SRGAP2: variants seen among roughly 807,000 people sequenced by gnomAD.
SRGAP2 encodes SLIT-ROBO Rho GTPase activating protein 2.
In SRGAP2, 15 loss-of-function variants were observed where a neutral mutation model predicts 57.2. The ratio of observed to expected loss-of-function variants is 0.26; its 90% CI spans 0.18 to 0.40. SRGAP2 has a LOEUF of 0.40. SRGAP2 is among the 10% of genes least tolerant of loss of function. The pLI is 1.00. For missense variants in SRGAP2, 520 were observed against 669.6 expected (o/e 0.78, Z 2.47); for synonymous variants, 249 against 248.0 (o/e 1.00, Z -0.04).
chr1:206,417,624 G>A (rs968004290), intron 11 of SRGAP2, among the ~76,000 whole-genome samples: 19 of 141,692 alleles, frequency 1.3e-4, no homozygotes, highest in African/African-American at 4.5e-4. Context: ...TTCACCATCT[G>A]GGCCAGGCTG....
chr1:206,245,340 T>C (rs1182174348), intron 2 of SRGAP2, among the ~76,000 whole-genome samples: 2 of 151,746 alleles, frequency 1.3e-5, no homozygotes, highest in Non-Finnish European at 2.9e-5. Context: ...TCACACTTAC[T>C]TGTACTGGCT....
At chr1:206,444,300 A>T (rs1662564724) in intron 17 of SRGAP2, among the ~76,000 whole-genome samples, 1 of 152,214 alleles carries the variant, frequency 6.6e-6, no homozygotes. Context: ...ACCTAGAATC[A>T]TGAGACCACA....
chr1:206,259,888 G>C (rs1175806892), intron 2 of SRGAP2, among the ~76,000 whole-genome samples: 24 of 90,810 alleles, frequency 2.6e-4, no homozygotes, highest in African/African-American at 1.0e-3. Flanking sequence ...TTTTGTCTGG[G>C]GAAGGGGAAC....
chr1:206,249,292 C>G (rs1238156178), intron 2 of SRGAP2, among the ~76,000 whole-genome samples: 2 of 151,714 alleles, frequency 1.3e-5, no homozygotes, highest in African/African-American at 4.8e-5. Context: ...CACATGCATA[C>G]ATATGTTTAT....
At chr1:206,290,215 G>A (rs1249704936) in intron 2 of SRGAP2, among the ~76,000 whole-genome samples, 5 of 152,230 alleles carry the variant, frequency 3.3e-5, no homozygotes, top group Non-Finnish European at 4.4e-5. Flanking sequence ...AGTTGTGTGC[G>A]TATGTGTGTG....
chr1:206,268,318 G>A (rs1418784104), intron 2 of SRGAP2, among the ~76,000 whole-genome samples: 1 of 123,140 alleles, frequency 8.1e-6, no homozygotes, highest in Non-Finnish European at 1.6e-5. Flanking sequence ...TCCCACCTAT[G>A]AATGAGAACA....
intron 4 of SRGAP2, among the ~76,000 whole-genome samples, chr1:206,376,831 A>G (rs1553344986): frequency 6.7e-6 from 1 of 150,188 alleles, no homozygotes; most frequent in Non-Finnish European, 1.5e-5. Context: ...TCATTGGTGA[A>G]CCATAACCAA....
Position 206,454,297 on chromosome 1 carries a change from CAA to C in SRGAP2, c.2361-580_2361-579del. ...TAGCATTATGACTTCACCACAGGAT[CAA>C]GAGAAGATGAATTGTGGGGGAGAAG... is the stretch of plus-strand genomic sequence containing the variant. On this transcript the variant is annotated intron_variant, in intron 20 of 22. Transcript: ENST00000573034. This position sits in a 1 kb window ranked among gnomAD's most constrained non-coding sequence, Gnocchi z 4.3. The C allele has an allele frequency of 3.0e-6, 2 of 665,404 alleles. No homozygotes were observed. Among genetic ancestry groups the C allele is most frequent in the South Asian group, 3.2e-5 (2 of 61,606 alleles). 41.2% of individuals were successfully genotyped at this position (665,404 alleles called of 1,614,324 possible).
chr1:206,313,829 C>T (rs1194204043), intron 3 of SRGAP2, among the ~76,000 whole-genome samples: 1 of 150,890 alleles, frequency 6.6e-6, no homozygotes, highest in African/African-American at 2.5e-5. Flanking sequence ...GGGAATTTAT[C>T]CTTCTGTCCA....
At chr1:206,301,093 G>A (rs1671846675) in intron 2 of SRGAP2, among the ~76,000 whole-genome samples, 1 of 152,158 alleles carries the variant, frequency 6.6e-6, no homozygotes, top group Non-Finnish European at 1.5e-5. Context: ...GTGCAGTGGT[G>A]CGATCTCTGC....
chr1:206,365,270 G>T (rs1653878772), intron 4 of SRGAP2, among the ~76,000 whole-genome samples: 1 of 146,124 alleles, frequency 6.8e-6, no homozygotes, highest in East Asian at 2.1e-4. Context: ...TAAGGATAGG[G>T]AGTTGAGCTT....
intron 2 of SRGAP2, among the ~76,000 whole-genome samples, chr1:206,283,049 A>G (rs1418278213): frequency 6.7e-6 from 1 of 148,614 alleles, no homozygotes; most frequent in Non-Finnish European, 1.5e-5. Context: ...GGTTCCTTGC[A>G]TGCAGCTTCT....
At chr1:206,461,011 ACCT>A (rs782672294) in intron 22 of SRGAP2, 23 bp from the exon 23 acceptor site, 15 of 671,694 alleles carry the variant, frequency 2.2e-5, no homozygotes, top group South Asian at 2.0e-4. Context: ...CATTTGCCTC[ACCT>A]CCTCCTTTTT....
chr1:206,453,207 G>T lies in SRGAP2; in HGVS notation c.2187G>T (p.Glu729Asp). Reference sequence around the variant, plus strand: ...CTTTTCCACCCTTCTCAGAATGTGAGCCCATCGAGGCCATTGCCAAGTTTG... The same window carrying T: ...CTTTTCCACCCTTCTCAGAATGTGATCCCATCGAGGCCATTGCCAAGTTTG... ...AEHHTSDDEC[E>D]PIEAIAKFDY... The change falls in exon 20 of 23, where the codon GAG (glutamate) becomes GAT (aspartate). Residue 729 changes from glutamate to aspartate, a missense_variant. By Grantham distance (45) the Glu-to-Asp change is conservative. This residue lies in a region of SRGAP2 where 478 missense variants were observed against 373.6 expected (regional missense o/e 1.28). Coordinates refer to ENST00000573034, the MANE Select transcript of SRGAP2 (RefSeq NM_015326.5). 1.9e-6 allele frequency: 1 copy of T among 531,136 alleles called. No individual in the cohort carries two copies. The highest frequency in any genetic ancestry group is 3.6e-6 in the Non-Finnish European group (1 of 281,036). 32.9% of individuals were successfully genotyped at this position (531,136 alleles called of 1,614,324 possible). A position where few individuals can be genotyped will look rare whatever the true frequency, so the allele number is the denominator to read the frequency against.
At chr1:206,307,757 C>A (rs1211874360) in intron 3 of SRGAP2, among the ~76,000 whole-genome samples, 2 of 152,174 alleles carry the variant, frequency 1.3e-5, no homozygotes, top group Non-Finnish European at 2.9e-5. Flanking sequence ...GTGCGGGGCC[C>A]ACCAAGCCCA....
rs1440985091 is a variant in SRGAP2, at chr1:206,454,036, C to T, written c.2360+656C>T. ...TTGAAGCAGTTGTCCCGTGGGCCCACCCAAGCCTGCCCCCTGTCCGTTTGC... is the reference window on the plus strand; with the variant it reads ...TTGAAGCAGTTGTCCCGTGGGCCCATCCAAGCCTGCCCCCTGTCCGTTTGC... On this transcript the variant is annotated intron_variant, in intron 20 of 22. Coordinates refer to ENST00000573034, the MANE Select transcript of SRGAP2 (RefSeq NM_015326.5). This position sits in a 1 kb window ranked among gnomAD's most constrained non-coding sequence, Gnocchi z 4.3. 1 of 688,946 alleles carries T rather than the reference C, an allele frequency of 1.5e-6. No homozygotes were observed. The highest frequency in any genetic ancestry group is 1.5e-5 in the South Asian group (1 of 65,070). The allele number at this position is 688,946 out of a possible 1,614,324, so 42.7% of individuals were successfully genotyped here. A position where few individuals can be genotyped will look rare whatever the true frequency, so the allele number is the denominator to read the frequency against.
intron 7 of SRGAP2, among the ~76,000 whole-genome samples, chr1:206,394,346 G>A (rs1209637408): frequency 6.6e-6 from 1 of 152,154 alleles, no homozygotes; most frequent in East Asian, 1.9e-4. Flanking sequence ...ACAGGTGTGG[G>A]CCCTGCACCC....
chr1:206,421,370 C>T, intron 13 of SRGAP2, 96 bp downstream of exon 13: 3 of 576,088 alleles, frequency 5.2e-6, no homozygotes, highest in Middle Eastern at 2.6e-4. Context: ...ACAGACACCT[C>T]TGACTTCATG....
At chr1:206,392,249 A>G (rs1295284949) in intron 5 of SRGAP2, among the ~76,000 whole-genome samples, 4 of 111,746 alleles carry the variant, frequency 3.6e-5, no homozygotes, top group African/African-American at 1.0e-4. Flanking sequence ...CAGAAAGCAT[A>G]GGCTACTCCA....
Sources: allele counts gnomAD v4.1 joint callset (sites outside exome capture counted in the v4.1 genomes callset), GRCh38; gene constraint gnomAD v4.1.1; regional missense constraint gnomAD v4.1.1; non-coding constraint Gnocchi (gnomAD v3.1); transcripts MANE v1.5; gene names NCBI Gene and HGNC (gene_info 2026-07-23, HGNC 2026-07-21).